The following ELMOD1 variants were observed in gnomAD, a reference collection of about 807,000 sequenced individuals.
ELMOD1 encodes the protein ELMO domain containing 1.
Under a neutral mutation model 46.7 loss-of-function variants are expected in ELMOD1, and 21 were observed. The ratio of observed to expected loss-of-function variants is 0.45; its 90% confidence interval spans 0.32 to 0.65. The LOEUF (loss-of-function observed/expected upper bound fraction) is 0.65, where lower values mean the gene tolerates loss of function less well. Among genes scored for constraint, ELMOD1 ranks in the 30% least tolerant of loss-of-function variants. ELMOD1 has a pLI of 0.04. For synonymous variants in ELMOD1, 122 were observed against 138.2 expected, an observed-to-expected ratio of 0.88 and a Z score of 0.82; for missense variants, 348 against 407.8, an observed-to-expected ratio of 0.85 and a Z score of 1.26.
At chr11:107,635,311 T>C (rs1591123634) in intron 5 of ELMOD1, among the ~76,000 whole-genome samples, 1 of 152,284 alleles carries the variant, frequency 6.6e-6, no homozygotes, top group East Asian at 1.9e-4. Context: ...GATAGGATCT[T>C]GCTTTGTTGC....
intron 10 of ELMOD1, among the ~76,000 whole-genome samples, chr11:107,654,834 G>A (rs901673540): frequency 6.6e-6 from 1 of 151,492 alleles, no homozygotes; most frequent in African/African-American, 2.4e-5. Context: ...CAAATATTGG[G>A]CTATTTGATA....
At chr11:107,643,819 C>A (rs1489191626) in intron 6 of ELMOD1, 2 of 316,590 alleles carry the variant, frequency 6.3e-6, no homozygotes, top group Non-Finnish European at 1.3e-5. Flanking sequence ...ATCGTCAGGC[C>A]AGGTGCCCAG....
chr11:107,630,579 G>C lies in ELMOD1; in HGVS notation c.163+17G>C. 1 of 1,608,268 alleles carries C rather than the reference G, an allele frequency of 6.2e-7. No homozygotes were observed. Among genetic ancestry groups the C allele is most frequent in the South Asian group, 1.1e-5 (1 of 89,528 alleles). On this transcript the variant is annotated intron_variant, in intron 3 of 11. Coordinates refer to ENST00000265840, the MANE Select transcript of ELMOD1 (RefSeq NM_018712.4). ...TGAAAATCGGTAAGCCTGAGACAAA[G>C]AAGTAAGCAAAAGGTAGAGTTGGTA...
chr11:107,601,327 A>G (rs1237859980), intron 1 of ELMOD1, among the ~76,000 whole-genome samples: 3 of 146,036 alleles, frequency 2.1e-5, no homozygotes, highest in Non-Finnish European at 4.5e-5. Context: ...AATTTTATTT[A>G]TAGCTTTTTT....
intron 2 of ELMOD1, chr11:107,620,510 A>C (rs1865928806): frequency 6.6e-6 from 1 of 152,266 alleles, no homozygotes; most frequent in Non-Finnish European, 1.5e-5. Flanking sequence ...TTGAGGATAG[A>C]AATGGGATAT....
chr11:107,591,899 G>A (rs768902387), intron 1 of ELMOD1: 1 of 495,154 alleles, frequency 2.0e-6, no homozygotes, highest in African/African-American at 1.9e-5. Flanking sequence ...GGTCCTCCGC[G>A]CAGCGAGCTG....
At chr11:107,637,006 C>T (rs1200165712) in intron 6 of ELMOD1, among the ~76,000 whole-genome samples, 1 of 152,244 alleles carries the variant, frequency 6.6e-6, no homozygotes, top group African/African-American at 2.4e-5. Context: ...GAATGAGTGA[C>T]ATCCAGGTGC....
At chr11:107,652,909 A>T (rs985839861) in intron 9 of ELMOD1, among the ~76,000 whole-genome samples, 1 of 151,972 alleles carries the variant, frequency 6.6e-6, no homozygotes, top group Non-Finnish European at 1.5e-5. Context: ...GTTCTGGAGA[A>T]CTCTCCTTTC....
At chr11:107,621,313 G>A (rs1041898491) in intron 2 of ELMOD1, among the ~76,000 whole-genome samples, 76 of 152,170 alleles carry the variant, frequency 5.0e-4, no homozygotes, top group African/African-American at 1.8e-3. Context: ...GAGGAACTGA[G>A]CAATACAGCA....
At chr11:107,608,351 A>ATCT (rs1293216651) in intron 1 of ELMOD1, among the ~76,000 whole-genome samples, 1 of 89,986 alleles carries the variant, frequency 1.1e-5, no homozygotes, top group Non-Finnish European at 2.0e-5. Context: ...TATTTTATGT[A>ATCT]TCTTTAAAAA....
intron 1 of ELMOD1, chr11:107,591,901 A>G (rs925863772): frequency 6.0e-6 from 3 of 496,560 alleles, no homozygotes; most frequent in Admixed American, 2.2e-5. Context: ...TCCTCCGCGC[A>G]GCGAGCTGGG....
intron 1 of ELMOD1, chr11:107,600,927 G>C (rs565263346): frequency 1.3e-5 from 2 of 151,808 alleles, no homozygotes; most frequent in South Asian, 4.2e-4. Flanking sequence ...AAAGGCACTG[G>C]ATCTCAAGAC....
intron 1 of ELMOD1, among the ~76,000 whole-genome samples, chr11:107,595,316 A>T (rs956220065): frequency 1.3e-5 from 2 of 152,118 alleles, no homozygotes; most frequent in African/African-American, 4.8e-5. Context: ...CTTTTTTCTC[A>T]AATGATTATC....
intron 1 of ELMOD1, among the ~76,000 whole-genome samples, chr11:107,610,817 G>A (rs1034265174): frequency 2.0e-5 from 3 of 152,028 alleles, no homozygotes; most frequent in African/African-American, 4.8e-5. Flanking sequence ...ATGCTATGCA[G>A]AAGAAGAGTG....
At chr11:107,652,069 A>G (rs1866535646) in intron 9 of ELMOD1, among the ~76,000 whole-genome samples, 1 of 152,244 alleles carries the variant, frequency 6.6e-6, no homozygotes, top group Non-Finnish European at 1.5e-5. Context: ...CTACAATAAA[A>G]TTGAATCAAT....
intron 1 of ELMOD1, among the ~76,000 whole-genome samples, chr11:107,599,609 G>T (rs949821990): frequency 6.6e-6 from 1 of 151,816 alleles, no homozygotes; most frequent in South Asian, 2.1e-4. Flanking sequence ...TGGTATGGTG[G>T]CATGTGCCTG....
At chr11:107,602,017 G>A (rs934232519) in intron 1 of ELMOD1, among the ~76,000 whole-genome samples, 1 of 152,054 alleles carries the variant, frequency 6.6e-6, no homozygotes, top group Non-Finnish European at 1.5e-5. Context: ...CCATTTTGGT[G>A]GAAAGCTTTC....
Position 107,665,046 on chromosome 11 carries a change from A to G in ELMOD1, c.854A>G (p.His285Arg), listed in dbSNP as rs754261524. 16 of 1,613,302 alleles carry G rather than the reference A, an allele frequency of 9.9e-6. No individual in the cohort carries two copies. The highest frequency in any genetic ancestry group is 6.7e-5 in the East Asian group (3 of 44,860). The stretch of plus-strand genomic sequence containing the variant: ...ACAGGCTATTTGATGCATGAATTTC[A>G]TAAGTTTTGGATCGAAGAGGACCCC... ...QTFCYLMHEF[H>R]KFWIEEDPMD... The change falls in exon 12 of 12, where the codon CAT becomes CGT. Residue 285 changes from histidine to arginine, a missense_variant. His to Arg is a conservative substitution (Grantham distance 29). Transcript: ENST00000265840.
In ELMOD1 at chr11:107,660,572, A is replaced by G. The variant is rs746746851; in HGVS notation, c.833-4453A>G. On this transcript the variant is annotated intron_variant, in intron 11 of 11. Coordinates refer to ENST00000265840, the MANE Select transcript of ELMOD1 (RefSeq NM_018712.4). ...AATAAGAACCAGAGGAACAGAATGT[A>G]CTGGAAAAGGCAGCCTATTGCCGTG... 2.0e-5 allele frequency among the ~76,000 whole-genome samples: 3 copies of G among 152,230 alleles called. No individual in the cohort carries two copies. The South Asian group carries it at 6.2e-4, about 32-fold the overall frequency.
Sources: allele counts gnomAD v4.1 joint callset (sites outside exome capture counted in the v4.1 genomes callset), GRCh38; gene constraint gnomAD v4.1.1; transcripts MANE v1.5; gene names NCBI Gene and HGNC (gene_info 2026-07-23, HGNC 2026-07-21).